The following EVX2 variants were observed in gnomAD, a reference collection of about 807,000 sequenced individuals.
EVX2 encodes the protein homeobox even-skipped homolog protein 2.
In EVX2, 10 loss-of-function variants were observed where a neutral mutation model predicts 19.2. That is an observed-to-expected ratio of 0.52 (90% CI 0.32 to 0.89). The LOEUF is 0.89. Among genes scored for constraint, EVX2 ranks in the 40% least tolerant of loss-of-function variants. The pLI is 0.03. For synonymous variants in EVX2, 354 were observed against 328.4 expected (o/e 1.08, Z -0.84); for missense variants, 710 against 694.9 (o/e 1.02, Z -0.24).
chr2:176,078,007 G>A lies in EVX2; in HGVS notation c.*2100C>T, dbSNP rs896180968. Reference sequence around the variant, plus strand: ...TTGGAAAGTTCTCTAATATTTTATGGTAATATTTTAATAGACCCCAGGAAT... The same window carrying A: ...TTGGAAAGTTCTCTAATATTTTATGATAATATTTTAATAGACCCCAGGAAT... On this transcript the variant is annotated 3_prime_UTR_variant, in exon 3 of 3. Coordinates refer to ENST00000308618, the MANE Select transcript of EVX2 (RefSeq NM_001080458.2). 3.3e-5 allele frequency: 5 copies of A among 152,060 alleles called. No individual in the cohort carries two copies. The highest frequency in any genetic ancestry group is 1.3e-4 in the Admixed American group (2 of 15,268). The allele number at this position is 152,060 out of a possible 1,614,324, so 9.4% of individuals were successfully genotyped here. A position where few individuals can be genotyped will look rare whatever the true frequency, so the allele number is the denominator to read the frequency against.
Position 176,078,894 on chromosome 2 carries a change from CTT to C in EVX2, c.*1211_*1212del, listed in dbSNP as rs1220276431. On this transcript the variant is annotated 3_prime_UTR_variant, in exon 3 of 3. Coordinates refer to ENST00000308618, the MANE Select transcript of EVX2 (RefSeq NM_001080458.2). ...TTAACACTAGTGGGTTTTGATGTAC[CTT>C]TCTTCAAGTTCAAGGAAACCCCTCC... The C allele has an allele frequency of 1.3e-5, 2 of 152,110 alleles. No individual in the cohort carries two copies. The highest frequency in any genetic ancestry group is 4.8e-5 in the African/African-American group (2 of 41,388). 9.4% of individuals were successfully genotyped at this position (152,110 alleles called of 1,614,324 possible). A position where few individuals can be genotyped will look rare whatever the true frequency, so the allele number is the denominator to read the frequency against.
In EVX2 at chr2:176,083,712, C is replaced by A. The variant is rs1379258756; in HGVS notation, c.65G>T (p.Gly22Val). 1.2e-6 allele frequency: 2 copies of A among 1,613,956 alleles called. No homozygotes were observed. The highest frequency in any genetic ancestry group is 1.7e-6 in the Non-Finnish European group (2 of 1,180,036). ...MERGLHSPTA[G>V]KRFSNLSNSA... ...GTTGGACAAATTGGAGAATCTCTTGCCCGCCGTAGGGCTGTGCAGCCCTCT... is the reference window on the plus strand; with the variant it reads ...GTTGGACAAATTGGAGAATCTCTTGACCGCCGTAGGGCTGTGCAGCCCTCT... The change falls in exon 1 of 3, where the codon GGC (glycine) becomes GTC (valine). Residue 22 changes from glycine (G) to valine (V), a missense_variant. Physicochemically the swap from Gly to Val is moderately radical, Grantham distance 109. Coordinates refer to ENST00000308618, the MANE Select transcript of EVX2 (RefSeq NM_001080458.2). The surrounding 1 kb of genome is among the most constrained non-coding windows in gnomAD (Gnocchi z 4.4).
In EVX2 at chr2:176,081,256, G is replaced by T. The variant is rs1325848379; in HGVS notation, c.700-418C>A. 6.6e-6 allele frequency among the ~76,000 whole-genome samples: 1 copy of T among 152,170 alleles called. No individual in the cohort carries two copies. Among genetic ancestry groups the T allele is most frequent in the African/African-American group, 2.4e-5 (1 of 41,448 alleles). ...AGAGGCTGCCGCTCAGCTTTTCTGA[G>T]AGGTCGCCGCGCGAAGTCTTGAGCC... On this transcript the variant is annotated intron_variant, in intron 2 of 2. Transcript: ENST00000308618. This position sits in a 1 kb window ranked among gnomAD's most constrained non-coding sequence, Gnocchi z 5.9.
Position 176,081,562 on chromosome 2 carries a change from G to A in EVX2, c.699+616C>T, listed in dbSNP as rs1047626468. On this transcript the variant is annotated intron_variant, in intron 2 of 2. Transcript: ENST00000308618. This position sits in a 1 kb window ranked among gnomAD's most constrained non-coding sequence, Gnocchi z 5.9. Reference sequence around the variant, plus strand: ...TCTGCAGTGTCGAACGCTCCATGAAGGGCTCACCAAATCGCCTAACCTCCC... The same window carrying A: ...TCTGCAGTGTCGAACGCTCCATGAAAGGCTCACCAAATCGCCTAACCTCCC... Among the ~76,000 whole-genome samples the A allele has an allele frequency of 6.6e-6, 1 of 152,090 alleles. No homozygotes were observed.
chr2:176,083,877 A>G lies in EVX2; in HGVS notation c.-101T>C, dbSNP rs2105373004. 9.3e-7 allele frequency: 1 copy of G among 1,078,600 alleles called. No homozygotes were observed. Among genetic ancestry groups the G allele is most frequent in the Non-Finnish European group, 1.3e-6 (1 of 748,622 alleles). The allele number at this position is 1,078,600 out of a possible 1,614,324, so 66.8% of individuals were successfully genotyped here. A position where few individuals can be genotyped will look rare whatever the true frequency, so the allele number is the denominator to read the frequency against. The stretch of plus-strand genomic sequence containing the variant: ...ATTCAGCCCCAGCGAACGCCTCTAA[A>G]TATTATTATCGCTTTCGGAGGGAGG... On this transcript the variant is annotated 5_prime_UTR_variant, in exon 1 of 3. Coordinates refer to ENST00000308618, the MANE Select transcript of EVX2 (RefSeq NM_001080458.2). This position sits in a 1 kb window ranked among gnomAD's most constrained non-coding sequence, Gnocchi z 4.4.
In EVX2 at chr2:176,083,271, G is replaced by T. The variant is rs547793385; in HGVS notation, c.427+79C>A. On this transcript the variant is annotated intron_variant, in intron 1 of 2. Transcript: ENST00000308618. The surrounding 1 kb of genome is among the most constrained non-coding windows in gnomAD (Gnocchi z 4.4). ...TGTGGAGGGTCTGAGAGGGGAAAAG[G>T]CACCGGGAAAGGCTGGCGGGGGCCG... The T allele has an allele frequency of 2.9e-5, 42 of 1,432,270 alleles. 1 individual carries two copies. The South Asian group carries it at 3.9e-4, about 13-fold the overall frequency. 88.7% of individuals were successfully genotyped at this position (1,432,270 alleles called of 1,614,324 possible). A position where few individuals can be genotyped will look rare whatever the true frequency, so the allele number is the denominator to read the frequency against.
rs1260282307 is a variant in EVX2, at chr2:176,082,527, G to A, written c.428-78C>T. ...GCGCTGGCGCTGCGCGCGGATCGGGGAAGCCCCGTCAGGAAGGAGAGTCGC... is the reference window on the plus strand; with the variant it reads ...GCGCTGGCGCTGCGCGCGGATCGGGAAAGCCCCGTCAGGAAGGAGAGTCGC... On this transcript the variant is annotated intron_variant, in intron 1 of 2. Coordinates refer to ENST00000308618, the MANE Select transcript of EVX2 (RefSeq NM_001080458.2). The surrounding 1 kb of genome is among the most constrained non-coding windows in gnomAD (Gnocchi z 5.2). The A allele has an allele frequency of 1.4e-6, 2 of 1,470,380 alleles. No homozygotes were observed. Among genetic ancestry groups the A allele is most frequent in the Non-Finnish European group, 9.0e-7 (1 of 1,112,460 alleles). The allele number at this position is 1,470,380 out of a possible 1,614,324, so 91.1% of individuals were successfully genotyped here. A position where few individuals can be genotyped will look rare whatever the true frequency, so the allele number is the denominator to read the frequency against.
Position 176,083,013 on chromosome 2 carries a change from G to A in EVX2, c.427+337C>T, listed in dbSNP as rs2105372447. The stretch of plus-strand genomic sequence containing the variant: ...CAGGGGAGTTCAGAGTAGTTGCCCA[G>A]GGTACCTTTCCCAAAAGCAACTCGG... On this transcript the variant is annotated intron_variant, in intron 1 of 2. Transcript: ENST00000308618. This position sits in a 1 kb window ranked among gnomAD's most constrained non-coding sequence, Gnocchi z 4.4. Among the ~76,000 whole-genome samples, 1 of 152,360 alleles carries A rather than the reference G, an allele frequency of 6.6e-6. No homozygotes were observed. The highest frequency in any genetic ancestry group is 1.9e-4 in the East Asian group (1 of 5,180).
In EVX2 at chr2:176,077,732, A is replaced by T. The variant is rs1323370050; in HGVS notation, c.*2375T>A. 1.3e-5 allele frequency: 2 copies of T among 152,188 alleles called. No homozygotes were observed. Among genetic ancestry groups the T allele is most frequent in the Non-Finnish European group, 2.9e-5 (2 of 68,014 alleles). 9.4% of individuals were successfully genotyped at this position (152,188 alleles called of 1,614,324 possible). A position where few individuals can be genotyped will look rare whatever the true frequency, so the allele number is the denominator to read the frequency against. Reference sequence around the variant, plus strand: ...TATATTTTTTGGGGGAAATGTAAACATTACTGCCTAAAGTACCTTATATAC... The same window carrying T: ...TATATTTTTTGGGGGAAATGTAAACTTTACTGCCTAAAGTACCTTATATAC... On this transcript the variant is annotated 3_prime_UTR_variant, in exon 3 of 3. Transcript: ENST00000308618.
At position 176,079,859 on chromosome 2, in the gene EVX2, G is replaced by A. The variant is rs1278431875; in HGVS notation, c.*248C>T. 6 of 369,052 alleles carry A rather than the reference G, an allele frequency of 1.6e-5. No individual in the cohort carries two copies. The highest frequency in any genetic ancestry group is 8.5e-5 in the African/African-American group (4 of 47,152). The allele number at this position is 369,052 out of a possible 1,614,324, so 22.9% of individuals were successfully genotyped here. ...AGTGGGTCCCGGGAGCCAGAAAAGA[G>A]AGAGAAGGGCAGACGGCTGGGTGGC... On this transcript the variant is annotated 3_prime_UTR_variant, in exon 3 of 3. Coordinates refer to ENST00000308618, the MANE Select transcript of EVX2 (RefSeq NM_001080458.2). This position sits in a 1 kb window ranked among gnomAD's most constrained non-coding sequence, Gnocchi z 4.4.
rs1233676163 is a variant in EVX2 at position 176,081,341 on chromosome 2, GA to G, written c.700-504del. ...GGTCCGATTTTGATATTGAAGGGAT[GA>G]TTTTGTTGGAATCGTTTGCCTTAAA... On this transcript the variant is annotated intron_variant, in intron 2 of 2. Transcript: ENST00000308618. The surrounding 1 kb of genome is among the most constrained non-coding windows in gnomAD (Gnocchi z 5.9). Among the ~76,000 whole-genome samples the G allele has an allele frequency of 3.3e-5, 5 of 152,200 alleles. No homozygotes were observed.
Position 176,083,905 on chromosome 2 carries a change from G to A in EVX2, c.-129C>T, listed in dbSNP as rs939676667. 12 of 814,674 alleles carry A rather than the reference G, an allele frequency of 1.5e-5. No individual in the cohort carries two copies. The African/African-American group carries it at 1.9e-4, about 13-fold the overall frequency. 50.5% of individuals were successfully genotyped at this position (814,674 alleles called of 1,614,324 possible). A position where few individuals can be genotyped will look rare whatever the true frequency, so the allele number is the denominator to read the frequency against. ...TTATTATCGCTTTCGGAGGGAGGCG[G>A]AAAAATTGTGGGATGCCAGAGCGAG... On this transcript the variant is annotated 5_prime_UTR_variant, in exon 1 of 3. Coordinates refer to ENST00000308618, the MANE Select transcript of EVX2 (RefSeq NM_001080458.2). The surrounding 1 kb of genome is among the most constrained non-coding windows in gnomAD (Gnocchi z 4.4).
At position 176,082,073 on chromosome 2, in the gene EVX2, A is replaced by T; in HGVS notation, c.699+105T>A. ...GTGACTACCCCCCGCGGATTTCCAG[A>T]CCCTTAGCTAAATCTAGCCACCCAG... On this transcript the variant is annotated intron_variant, in intron 2 of 2. Coordinates refer to ENST00000308618, the MANE Select transcript of EVX2 (RefSeq NM_001080458.2). The surrounding 1 kb of genome is among the most constrained non-coding windows in gnomAD (Gnocchi z 5.2). 1 of 1,283,010 alleles carries T rather than the reference A, an allele frequency of 7.8e-7. No individual in the cohort carries two copies. The highest frequency in any genetic ancestry group is 1.0e-6 in the Non-Finnish European group (1 of 968,518). The allele number at this position is 1,283,010 out of a possible 1,614,324, so 79.5% of individuals were successfully genotyped here.
chr2:176,083,826 A>C lies in EVX2; in HGVS notation c.-50T>G, dbSNP rs759190121. The C allele has an allele frequency of 6.8e-7, 1 of 1,479,390 alleles. No homozygotes were observed. 91.6% of individuals were successfully genotyped at this position (1,479,390 alleles called of 1,614,324 possible). The stretch of plus-strand genomic sequence containing the variant: ...GTGGCCCTGCTGTCCCGTCCTAATG[A>C]TAGGCTGCGCCTAGGGCTAATTCTC... On this transcript the variant is annotated 5_prime_UTR_variant, in exon 1 of 3. Coordinates refer to ENST00000308618, the MANE Select transcript of EVX2 (RefSeq NM_001080458.2). This position sits in a 1 kb window ranked among gnomAD's most constrained non-coding sequence, Gnocchi z 4.4.
At position 176,080,290 on chromosome 2, in the gene EVX2, G is replaced by A. The variant is rs1375085869; in HGVS notation, c.1248C>T (p.Gly416=). The part of the protein sequence containing the change: ...AAALGSRGGG[G]GGGGGGGGGG... ...CGCCGCCACCACCACCACCGCCGCCGCCACCGCCACCCCGGGAACCCAGGG... is the reference window on the plus strand; with the variant it reads ...CGCCGCCACCACCACCACCGCCGCCACCACCGCCACCCCGGGAACCCAGGG... The change falls in exon 3 of 3, where the codon GGC becomes GGT. Residue 416 remains glycine (G), a synonymous_variant. Transcript: ENST00000308618. The surrounding 1 kb of genome is among the most constrained non-coding windows in gnomAD (Gnocchi z 7.0). 1.3e-5 allele frequency: 16 copies of A among 1,279,690 alleles called. No homozygotes were observed. The highest frequency in any genetic ancestry group is 3.6e-5 in the Admixed American group (1 of 27,402). The allele number at this position is 1,279,690 out of a possible 1,614,324, so 79.3% of individuals were successfully genotyped here.
At position 176,079,940 on chromosome 2, in the gene EVX2, C is replaced by T. The variant is rs527601347; in HGVS notation, c.*167G>A. 7.0e-5 allele frequency: 46 copies of T among 659,870 alleles called. No homozygotes were observed. The highest frequency in any genetic ancestry group is 6.4e-5 in the Non-Finnish European group (29 of 450,724). The allele number at this position is 659,870 out of a possible 1,614,324, so 40.9% of individuals were successfully genotyped here. A position where few individuals can be genotyped will look rare whatever the true frequency, so the allele number is the denominator to read the frequency against. On this transcript the variant is annotated 3_prime_UTR_variant, in exon 3 of 3. Coordinates refer to ENST00000308618, the MANE Select transcript of EVX2 (RefSeq NM_001080458.2). This position sits in a 1 kb window ranked among gnomAD's most constrained non-coding sequence, Gnocchi z 4.4. ...TGCCCGCCAGGCTTTTGCGCCTGCT[C>T]CTTCTCCCCCAATTCGGAGCAGGTT...
Position 176,083,529 on chromosome 2 carries a change from C to A in EVX2, c.248G>T (p.Gly83Val), listed in dbSNP as rs780106623. 6.2e-7 allele frequency: 1 copy of A among 1,614,170 alleles called. No homozygotes were observed. Among genetic ancestry groups the A allele is most frequent in the Admixed American group, 1.7e-5 (1 of 60,028 alleles). Residue 83 changes from glycine to valine, a missense_variant, in exon 1 of 3, where the codon GGC (glycine) becomes GTC (valine). Gly to Val is a moderately radical substitution (Grantham distance 109). Coordinates refer to ENST00000308618, the MANE Select transcript of EVX2 (RefSeq NM_001080458.2). The surrounding 1 kb of genome is among the most constrained non-coding windows in gnomAD (Gnocchi z 4.4). ...TTCGGAGGAGACGGTGCTTTCGCTG[C>A]CCGTGTGCTGCAGGTTGAACAAAGT... ...IDTLFNLQHT[G>V]SESTVSSEIS... is the part of the protein sequence containing the mutation.
At position 176,080,876 on chromosome 2, in the gene EVX2, C is replaced by T; in HGVS notation, c.700-38G>A. ...ACGCGCCGCAGCCTGGGTTAGGGAG[C>T]GCCCCGTGTTCCCAGCTCCTGTCCC... On this transcript the variant is annotated intron_variant, in intron 2 of 2. Transcript: ENST00000308618. This position sits in a 1 kb window ranked among gnomAD's most constrained non-coding sequence, Gnocchi z 7.0. The T allele has an allele frequency of 1.4e-5, 22 of 1,580,704 alleles. No homozygotes were observed. The highest frequency in any genetic ancestry group is 1.7e-5 in the Non-Finnish European group (20 of 1,165,454).
In EVX2 at chr2:176,078,746, A is replaced by T. The variant is rs977741839; in HGVS notation, c.*1361T>A. 1 of 152,216 alleles carries T rather than the reference A, an allele frequency of 6.6e-6. No homozygotes were observed. Among genetic ancestry groups the T allele is most frequent in the African/African-American group, 2.4e-5 (1 of 41,444 alleles). The allele number at this position is 152,216 out of a possible 1,614,324, so 9.4% of individuals were successfully genotyped here. Reference sequence around the variant, plus strand: ...TCCCTTAGCGGGTTGTTAGTACTTGACAGCAGGTCTCCGTGCGGGGAACTT... The same window carrying T: ...TCCCTTAGCGGGTTGTTAGTACTTGTCAGCAGGTCTCCGTGCGGGGAACTT... On this transcript the variant is annotated 3_prime_UTR_variant, in exon 3 of 3. Transcript: ENST00000308618.
Sources: allele counts gnomAD v4.1 joint callset (sites outside exome capture counted in the v4.1 genomes callset), GRCh38; gene constraint gnomAD v4.1.1; non-coding constraint Gnocchi (gnomAD v3.1); transcripts MANE v1.5; gene names NCBI Gene and HGNC (gene_info 2026-07-23, HGNC 2026-07-21).